The following ATP10D variants were observed in gnomAD, a reference collection of about 807,000 sequenced individuals.
ATP10D encodes the protein phospholipid-transporting ATPase VD.
In ATP10D, 89 loss-of-function variants were observed where a neutral mutation model predicts 144.8. The observed-to-expected ratio is 0.61, with a 90% confidence interval of 0.52 to 0.73. The LOEUF (loss-of-function observed/expected upper bound fraction) is 0.73, where lower values mean the gene tolerates loss of function less well. Among genes scored for constraint, ATP10D ranks in the 30% least tolerant of loss-of-function variants. The pLI is 0.00. For missense variants in ATP10D, 1,603 were observed against 1,714.8 expected (o/e 0.93, Z 1.15); for synonymous variants, 571 against 615.1 (o/e 0.93, Z 1.06).
intron 5 of ATP10D, among the ~76,000 whole-genome samples, chr4:47,528,195 G>A (rs769053115): frequency 4.6e-5 from 7 of 151,958 alleles, no homozygotes; most frequent in Non-Finnish European, 7.4e-5. Context: ...CCCATCTCCC[G>A]AATGGTGAAC....
intron 9 of ATP10D, among the ~76,000 whole-genome samples, chr4:47,541,862 C>T (rs530019390): frequency 1.3e-5 from 2 of 152,066 alleles, no homozygotes; most frequent in Non-Finnish European, 2.9e-5. Flanking sequence ...ATAAAGTAGA[C>T]AATTTGGTAC....
At position 47,593,174 on chromosome 4, in the gene ATP10D, A is replaced by G. The variant is rs1721117892; in HGVS notation, c.*1793A>G. On this transcript the variant is annotated 3_prime_UTR_variant, in exon 23 of 23. Coordinates refer to ENST00000273859, the MANE Select transcript of ATP10D (RefSeq NM_020453.4). ...CCAAAAATACTAAGGAAAAAGAACA[A>G]TTTTCAATTTTCAGAAATGAATTAT... The G allele has an allele frequency of 6.6e-6, 1 of 152,088 alleles. No homozygotes were observed. The highest frequency in any genetic ancestry group is 2.1e-4 in the South Asian group (1 of 4,826). The allele number at this position is 152,088 out of a possible 1,614,324, so 9.4% of individuals were successfully genotyped here. A position where few individuals can be genotyped will look rare whatever the true frequency, so the allele number is the denominator to read the frequency against.
At chr4:47,515,104 G>A (rs1225487352) in intron 2 of ATP10D, among the ~76,000 whole-genome samples, 1 of 152,028 alleles carries the variant, frequency 6.6e-6, no homozygotes, top group Non-Finnish European at 1.5e-5. Flanking sequence ...GGGACCACAA[G>A]CGTAGGCCAC....
At position 47,587,157 on chromosome 4, in the gene ATP10D, G is replaced by A. The variant is rs1720828761; in HGVS notation, c.3892G>A (p.Val1298Ile). Residue 1298 changes from valine to isoleucine, a missense_variant, in exon 22 of 23, where the codon GTA (valine) becomes ATA (isoleucine). Val to Ile is a conservative substitution (Grantham distance 29). Transcript: ENST00000273859. ...TATGCAGGAGCACATGCTGGATCCA[G>A]TATTCTACTTAGTTTGTATCCTCAC... ...WIMQEHMLDP[V>I]FYLVCILTTS... 2 of 1,614,016 alleles carry A rather than the reference G, an allele frequency of 1.2e-6. No individual in the cohort carries two copies. Among genetic ancestry groups the A allele is most frequent in the South Asian group, 1.1e-5 (1 of 91,076 alleles).
intron 1 of ATP10D, among the ~76,000 whole-genome samples, chr4:47,512,136 T>C (rs557443240): frequency 6.6e-6 from 1 of 152,370 alleles, no homozygotes; most frequent in African/African-American, 2.4e-5. Flanking sequence ...TTACCTGTTA[T>C]TCATTTAGTC....
At chr4:47,567,427 G>C (rs1226608808) in intron 15 of ATP10D, among the ~76,000 whole-genome samples, 2 of 152,142 alleles carry the variant, frequency 1.3e-5, no homozygotes, top group African/African-American at 4.8e-5. Context: ...ATATTTTGGA[G>C]AATATCCACA....
At chr4:47,584,884 G>GT (rs1227306622) in intron 21 of ATP10D, among the ~76,000 whole-genome samples, 1 of 152,152 alleles carries the variant, frequency 6.6e-6, no homozygotes, top group African/African-American at 2.4e-5. Flanking sequence ...TCTTGTGAAG[G>GT]TATCTGCCAT....
Position 47,557,715 on chromosome 4 carries a change from A to G in ATP10D, c.1876A>G (p.Lys626Glu). Reference protein sequence around the residue: ...GLPIKSLEEIKSLFQRWSVRR... With the variant: ...GLPIKSLEEIESLFQRWSVRR... ...GCCCATTAAGTCTTTGGAAGAGATT[A>G]AAAGTCTTTTCCAGAGATGGTCTGT... is the stretch of plus-strand genomic sequence containing the variant. Residue 626 changes from lysine to glutamate, a missense_variant, in exon 12 of 23, where the codon AAA (lysine) becomes GAA (glutamate). By Grantham distance (56) the Lys-to-Glu change is moderately conservative. Transcript: ENST00000273859. 6.2e-7 allele frequency: 1 copy of G among 1,614,178 alleles called. No homozygotes were observed. Among genetic ancestry groups the G allele is most frequent in the Non-Finnish European group, 8.5e-7 (1 of 1,179,994 alleles).
chr4:47,589,505 A>G (rs1453802055), intron 22 of ATP10D, among the ~76,000 whole-genome samples: 1 of 152,142 alleles, frequency 6.6e-6, no homozygotes, highest in African/African-American at 2.4e-5. Context: ...AGAAATATGG[A>G]CATTTAAGTT....
rs775969197 is a variant in ATP10D at position 47,561,076 on chromosome 4, G to A, written c.2668+1G>A. 6.2e-7 allele frequency: 1 copy of A among 1,614,066 alleles called. No homozygotes were observed. The highest frequency in any genetic ancestry group is 8.5e-7 in the Non-Finnish European group (1 of 1,179,966). ...TTGGAGAACAAACTTACATTACTTG[G>A]TAGGTGAATTATGTTTGTATTGCCT... On this transcript the variant is annotated splice_donor_variant, in intron 14 of 22. Coordinates refer to ENST00000273859, the MANE Select transcript of ATP10D (RefSeq NM_020453.4). LOFTEE classifies it high-confidence loss of function.
At chr4:47,571,257 A>G (rs968619515) in intron 16 of ATP10D, among the ~76,000 whole-genome samples, 3 of 148,946 alleles carry the variant, frequency 2.0e-5, no homozygotes, top group Admixed American at 6.7e-5. Flanking sequence ...TAATTATAAC[A>G]TAATTATATT....
chr4:47,568,797 G>C, intron 15 of ATP10D, 40 bp from the exon 16 acceptor site: 1 of 1,557,664 alleles, frequency 6.4e-7, no homozygotes, highest in Admixed American at 1.9e-5. Flanking sequence ...CTGACACCAA[G>C]GGCGCCTGGA....
chr4:47,505,338 C>T (rs1715963137), intron 1 of ATP10D, among the ~76,000 whole-genome samples: 1 of 152,154 alleles, frequency 6.6e-6, no homozygotes, highest in South Asian at 2.1e-4. Context: ...GTGTGGTCCC[C>T]AGGACCAGCA....
At chr4:47,489,393 A>C (rs1462677709) in intron 1 of ATP10D, among the ~76,000 whole-genome samples, 1 of 152,114 alleles carries the variant, frequency 6.6e-6, no homozygotes, top group Non-Finnish European at 1.5e-5. Context: ...AGTTTTGAAA[A>C]AAAAATCAAC....
At position 47,536,754 on chromosome 4, in the gene ATP10D, A is replaced by C. The variant is rs747410568; in HGVS notation, c.1212A>C (p.Gln404His). ...IVKLGQIYFI[Q>H]SDVDFYNEKM... is the part of the protein sequence containing the mutation. Reference sequence around the variant, plus strand: ...AGCTTGGACAAATATATTTCATTCAAAGTGATGTGGATTTCTACAATGAAA... The same window carrying C: ...AGCTTGGACAAATATATTTCATTCACAGTGATGTGGATTTCTACAATGAAA... The change falls in exon 9 of 23, where the codon CAA becomes CAC. Residue 404 changes from glutamine to histidine, a missense_variant. Physicochemically the swap from Gln to His is conservative, Grantham distance 24. Transcript: ENST00000273859. 1.3e-5 allele frequency: 21 copies of C among 1,613,268 alleles called. No individual in the cohort carries two copies. Among genetic ancestry groups the C allele is most frequent in the Non-Finnish European group, 1.7e-5 (20 of 1,179,656 alleles).
intron 21 of ATP10D, 110 bp from the exon 22 acceptor site, chr4:47,586,907 CCA>C (rs1720814544): frequency 1.1e-6 from 1 of 894,328 alleles, no homozygotes; most frequent in African/African-American, 1.7e-5. Flanking sequence ...GTTTGTTACA[CCA>C]TTCATCCAGT....
rs1720420868 is a variant in ATP10D at position 47,579,820 on chromosome 4, A to G, written c.3568-578A>G. On this transcript the variant is annotated intron_variant, in intron 19 of 22. Transcript: ENST00000273859. ...GGAAGGAGTCAATTTGATTAATTAG[A>G]GAGATGGCATGACCTGGTTTACATT... Among the ~76,000 whole-genome samples the G allele has an allele frequency of 2.6e-5, 4 of 152,230 alleles. No individual in the cohort carries two copies. In the South Asian group the frequency reaches 6.2e-4, roughly 24 times the overall value.
intron 18 of ATP10D, among the ~76,000 whole-genome samples, chr4:47,573,411 A>C (rs1370509071): frequency 6.6e-6 from 1 of 152,262 alleles, no homozygotes; most frequent in Non-Finnish European, 1.5e-5. Flanking sequence ...CCCATGTGTT[A>C]TAATAAAGAC....
chr4:47,572,103 C>T, intron 16 of ATP10D, 51 bp from the exon 17 acceptor site: 1 of 1,536,684 alleles, frequency 6.5e-7, no homozygotes, highest in Non-Finnish European at 9.0e-7. Context: ...AACATTTACA[C>T]CCTTTCTTTA....
Sources: allele counts gnomAD v4.1 joint callset (sites outside exome capture counted in the v4.1 genomes callset), GRCh38; gene constraint gnomAD v4.1.1; transcripts MANE v1.5; gene names NCBI Gene and HGNC (gene_info 2026-07-23, HGNC 2026-07-21).